Variants in NCAM1 observed in about 807,000 individuals in gnomAD.
The protein encoded by NCAM1 is neural cell adhesion molecule 1, also known as antigen recognized by monoclonal antibody 5.1H11.
NCAM1 carries 14 observed loss-of-function variants against 109.8 expected under a neutral mutation model. The ratio of observed to expected loss-of-function variants is 0.13; its 90% CI spans 0.08 to 0.20. NCAM1 has a LOEUF of 0.20. NCAM1 is among the 10% of genes least tolerant of loss of function. The pLI, the probability that NCAM1 is intolerant of heterozygous loss-of-function variation, is 1.00. For missense variants in NCAM1, 774 were observed against 1,109.9 expected, an observed-to-expected ratio of 0.70 and a Z score of 4.30; for synonymous variants, 418 against 442.9, an observed-to-expected ratio of 0.94 and a Z score of 0.70.
chr11:113,252,528 A>C (rs1555121557), intron 15 of NCAM1, among the ~76,000 whole-genome samples: 1 of 152,108 alleles, frequency 6.6e-6, no homozygotes, highest in African/African-American at 2.4e-5. Context: ...TGTCTTATTT[A>C]CCTTTGAGAC....
intron 1 of NCAM1, among the ~76,000 whole-genome samples, chr11:113,170,417 C>T (rs781897665): frequency 2.0e-5 from 3 of 152,074 alleles, no homozygotes; most frequent in South Asian, 2.1e-4. Context: ...AGGCAGTGTG[C>T]GGTGAAAGTG....
chr11:113,170,155 T>A (rs1385959902), intron 1 of NCAM1, among the ~76,000 whole-genome samples: 1 of 152,166 alleles, frequency 6.6e-6, no homozygotes, highest in Non-Finnish European at 1.5e-5. Flanking sequence ...GAAGGCAGAT[T>A]GCTAGGATTG....
chr11:113,266,753 G>T (rs1946140984), intron 17 of NCAM1, among the ~76,000 whole-genome samples: 1 of 152,180 alleles, frequency 6.6e-6, no homozygotes, highest in South Asian at 2.1e-4. Flanking sequence ...AAATCACAAG[G>T]ATCAGTGATT....
At position 113,214,280 on chromosome 11, in the gene NCAM1, C is replaced by A. The variant is rs574584111; in HGVS notation, c.917-89C>A. On this transcript the variant is annotated intron_variant, in intron 7 of 19. Transcript: ENST00000316851. ...CTAGGGTCTTGTACTTAGCAGACAG[C>A]TAACCTTTGTTGGATAGGTGCATGC... 4,481 of 1,415,850 alleles carry A rather than the reference C, an allele frequency of 3.2e-3. 79 individuals carry two copies. The highest frequency in any genetic ancestry group is 0.026 in the South Asian group (1,973 of 75,834). 87.7% of individuals were successfully genotyped at this position (1,415,850 alleles called of 1,614,324 possible). A position where few individuals can be genotyped will look rare whatever the true frequency, so the allele number is the denominator to read the frequency against.
chr11:113,172,648 T>C (rs528918279), intron 1 of NCAM1, among the ~76,000 whole-genome samples: 1 of 152,352 alleles, frequency 6.6e-6, no homozygotes, highest in East Asian at 1.9e-4. Context: ...GAGGGGTTGA[T>C]AGCAAAAATT....
intron 1 of NCAM1, among the ~76,000 whole-genome samples, chr11:113,100,091 A>G (rs782802982): frequency 6.6e-6 from 1 of 152,120 alleles, no homozygotes; most frequent in South Asian, 2.1e-4. Context: ...AATTTTGCCT[A>G]TTGTACTTGG....
At position 112,990,689 on chromosome 11, in the gene NCAM1, T is replaced by TC. The variant is rs1308806335; in HGVS notation, c.52+29026dup. The stretch of plus-strand genomic sequence containing the variant: ...CATGGCGCAAGTGGGTGTGATTTTT[T>TC]CTGGGTCCCAGGGTGAATGGTTTTG... On this transcript the variant is annotated intron_variant, in intron 1 of 19. Transcript: ENST00000316851. Among the ~76,000 whole-genome samples, 3 of 152,202 alleles carry TC rather than the reference T, an allele frequency of 2.0e-5. No homozygotes were observed. The East Asian group carries it at 5.8e-4, about 30-fold the overall frequency.
At chr11:113,228,236 C>T (rs1944905594) in intron 9 of NCAM1, among the ~76,000 whole-genome samples, 1 of 152,192 alleles carries the variant, frequency 6.6e-6, no homozygotes, top group African/African-American at 2.4e-5. Context: ...TCAGCAAAGT[C>T]TCAGGATACA....
intron 1 of NCAM1, among the ~76,000 whole-genome samples, chr11:113,154,055 A>G (rs553803791): frequency 1.3e-5 from 2 of 152,376 alleles, no homozygotes; most frequent in Admixed American, 1.3e-4. Context: ...AGCCTTGACA[A>G]TTACTGTAAG....
intron 1 of NCAM1, among the ~76,000 whole-genome samples, chr11:113,010,325 A>C (rs1002947509): frequency 8.5e-5 from 13 of 152,242 alleles, no homozygotes; most frequent in Non-Finnish European, 1.9e-4. Flanking sequence ...GTATTTCCTC[A>C]GAAATATTCT....
intron 1 of NCAM1, among the ~76,000 whole-genome samples, chr11:113,010,862 G>A (rs961386436): frequency 2.6e-5 from 4 of 152,174 alleles, no homozygotes; most frequent in African/African-American, 7.2e-5. Context: ...TAAGACAGTA[G>A]CTATTGTAGA....
rs537433580 is a variant in NCAM1, at chr11:113,149,644, A to C, written c.53-52735A>C. Among the ~76,000 whole-genome samples, 169 of 152,324 alleles carry C rather than the reference A, an allele frequency of 1.1e-3. 1 individual carries two copies. Among genetic ancestry groups the C allele is most frequent in the South Asian group, 8.7e-3 (42 of 4,818 alleles). On this transcript the variant is annotated intron_variant, in intron 1 of 19. Coordinates refer to ENST00000316851, the MANE Select transcript of NCAM1 (RefSeq NM_181351.5). ...AAACTGTTTTTCTTTAATTACAAAT[A>C]GTGAGGAAAAATTTATTTTTTTACC...
At chr11:113,265,446 G>A (rs2137717825) in intron 17 of NCAM1, among the ~76,000 whole-genome samples, 1 of 152,292 alleles carries the variant, frequency 6.6e-6, no homozygotes, top group South Asian at 2.1e-4. Flanking sequence ...GCAGAACTGG[G>A]GAGGTGGTCA....
chr11:113,223,953 G>A (rs902154861), intron 9 of NCAM1, among the ~76,000 whole-genome samples: 5 of 152,182 alleles, frequency 3.3e-5, no homozygotes, highest in Middle Eastern at 3.2e-3. Flanking sequence ...AGGTAGGGGC[G>A]GTTCCAAGAT....
intron 1 of NCAM1, among the ~76,000 whole-genome samples, chr11:113,065,631 G>A (rs1393150973): frequency 7.9e-5 from 12 of 152,154 alleles, no homozygotes; most frequent in Non-Finnish European, 1.5e-5. Context: ...CCAATAGCAG[G>A]AAGTTCTGTA....
At chr11:113,141,772 A>G (rs1245132) in intron 1 of NCAM1, among the ~76,000 whole-genome samples, 7,887 of 151,992 alleles carry the variant, frequency 0.052, 391 homozygotes, top group African/African-American at 0.12. Flanking sequence ...TCGGTGCTAT[A>G]CTCACCCTGC....
intron 1 of NCAM1, among the ~76,000 whole-genome samples, chr11:113,159,250 A>T (rs2136333645): frequency 6.6e-6 from 1 of 152,372 alleles, no homozygotes; most frequent in African/African-American, 2.4e-5. Context: ...AGTCATAAAT[A>T]TCGTAGTTGA....
In NCAM1 at chr11:113,221,331, G is replaced by T; in HGVS notation, c.1089+6G>T. The T allele has an allele frequency of 6.4e-7, 1 of 1,567,768 alleles. No individual in the cohort carries two copies. Among genetic ancestry groups the T allele is most frequent in the Non-Finnish European group, 8.7e-7 (1 of 1,154,174 alleles). On this transcript the variant is annotated splice_donor_region_variant and intron_variant, in intron 9 of 19. Transcript: ENST00000316851. ...CTCGACCAGAGAAGCAAGAGGTATA[G>T]CTTACCTGACCACTAGCCAGTCTTT...
chr11:113,211,934 G>T (rs1358991646), intron 7 of NCAM1, among the ~76,000 whole-genome samples: 1 of 152,192 alleles, frequency 6.6e-6, no homozygotes, highest in African/African-American at 2.4e-5. Context: ...GCCCATGGAG[G>T]CAGGTGGAGA....
Sources: allele counts gnomAD v4.1 joint callset (sites outside exome capture counted in the v4.1 genomes callset), GRCh38; gene constraint gnomAD v4.1.1; transcripts MANE v1.5; gene names NCBI Gene and HGNC (gene_info 2026-07-23, HGNC 2026-07-21).